Variants in TRPM7 observed in about 807,000 individuals in gnomAD.
TRPM7 encodes the protein LTRPC ion channel family member 7.
TRPM7 carries 134 observed loss-of-function variants against 229.7 expected under a neutral mutation model. The observed-to-expected ratio is 0.58, with a 90% confidence interval of 0.51 to 0.67. TRPM7 has a LOEUF of 0.67. TRPM7 is among the 30% of genes least tolerant of loss of function. The pLI is 0.00. For synonymous variants in TRPM7, 699 were observed against 715.2 expected, an observed-to-expected ratio of 0.98 and a Z score of 0.36; for missense variants, 1,901 against 2,210.0, an observed-to-expected ratio of 0.86 and a Z score of 2.80.
intron 27 of TRPM7, 83 bp from the exon 28 acceptor site, chr15:50,586,571 T>C: frequency 2.4e-6 from 2 of 842,004 alleles, no homozygotes. Flanking sequence ...TAGAGTCCCT[T>C]GATCTATTTA....
chr15:50,606,162 T>C (rs1040183045), intron 20 of TRPM7, among the ~76,000 whole-genome samples: 4 of 152,104 alleles, frequency 2.6e-5, no homozygotes, highest in Non-Finnish European at 5.9e-5. Context: ...GGGCGGATCA[T>C]GAGGTCAGGA....
At chr15:50,661,264 C>T (rs1431005582) in intron 2 of TRPM7, among the ~76,000 whole-genome samples, 5 of 152,088 alleles carry the variant, frequency 3.3e-5, no homozygotes, top group Admixed American at 6.6e-5. Flanking sequence ...TGTCAGCCAC[C>T]GCACCAGGCC....
chr15:50,657,659 TA>T lies in TRPM7; in HGVS notation c.122+121del, dbSNP rs535872177. 2.2e-4 allele frequency: 189 copies of T among 845,884 alleles called. 1 individual carries two copies. The African/African-American group carries it at 3.0e-3, about 13-fold the overall frequency. 52.4% of individuals were successfully genotyped at this position (845,884 alleles called of 1,614,324 possible). A position where few individuals can be genotyped will look rare whatever the true frequency, so the allele number is the denominator to read the frequency against. On this transcript the variant is annotated intron_variant, in intron 3 of 38. Coordinates refer to ENST00000646667, the MANE Select transcript of TRPM7 (RefSeq NM_017672.6). The stretch of plus-strand genomic sequence containing the variant: ...TGACCCTTCACCTTCCAAGTCTAGG[TA>T]AAGTACCCATCAAATATAATAGCAT...
At chr15:50,635,193 T>A (rs1303439585) in intron 7 of TRPM7, among the ~76,000 whole-genome samples, 1 of 151,590 alleles carries the variant, frequency 6.6e-6, no homozygotes, top group Non-Finnish European at 1.5e-5. Context: ...GGCAAGCACC[T>A]GTAGTCCCAG....
At chr15:50,659,053 C>G (rs1314468755) in intron 2 of TRPM7, among the ~76,000 whole-genome samples, 1 of 152,064 alleles carries the variant, frequency 6.6e-6, no homozygotes, top group Non-Finnish European at 1.5e-5. Context: ...AAAAAATTAG[C>G]CAGATGTGGT....
chr15:50,623,151 C>T lies in TRPM7; in HGVS notation c.1440+1015G>A, dbSNP rs539045090. ...ATTTTTGGCCGGGTGCAGTGGCTCA[C>T]GCCTGTAATCCCAGTGCTTTGGGAG... On this transcript the variant is annotated intron_variant, in intron 12 of 38. Coordinates refer to ENST00000646667, the MANE Select transcript of TRPM7 (RefSeq NM_017672.6). Among the ~76,000 whole-genome samples, 150 of 152,206 alleles carry T rather than the reference C, an allele frequency of 9.9e-4. 1 individual carries two copies. Among genetic ancestry groups the T allele is most frequent in the African/African-American group, 3.5e-3 (145 of 41,542 alleles).
At chr15:50,637,232 T>G (rs1228090185) in intron 7 of TRPM7, among the ~76,000 whole-genome samples, 190 bp downstream of exon 7, 5 of 152,166 alleles carry the variant, frequency 3.3e-5, no homozygotes, top group Non-Finnish European at 7.4e-5. Context: ...CCTTGATAAC[T>G]GAGTACCCAA....
chr15:50,586,559 A>G (rs2059348902), intron 27 of TRPM7, 71 bp from the exon 28 acceptor site: 18 of 937,876 alleles, frequency 1.9e-5, no homozygotes, highest in Non-Finnish European at 1.0e-5. Flanking sequence ...TCTAAGTAGT[A>G]TTAGAGTCCC....
intron 2 of TRPM7, among the ~76,000 whole-genome samples, chr15:50,662,599 C>T (rs778907248): frequency 7.2e-5 from 11 of 152,042 alleles, no homozygotes; most frequent in Non-Finnish European, 1.5e-4. Flanking sequence ...GTGTTGGATA[C>T]CCAGTAGATG....
chr15:50,637,500 T>C lies in TRPM7; in HGVS notation c.754A>G (p.Thr252Ala), dbSNP rs1312147318. The C allele has an allele frequency of 1.2e-6, 2 of 1,614,152 alleles. No homozygotes were observed. Among genetic ancestry groups the C allele is most frequent in the Admixed American group, 1.7e-5 (1 of 60,016 alleles). ...HSHFILVDDG[T>A]VGKYGAEVRL... ...ACTTCCGCCCCATACTTTCCAACAG[T>C]GCCATCATCCACCAATATGAAATGG... Residue 252 changes from threonine to alanine, a missense_variant, in exon 7 of 39, where the codon ACT becomes GCT. Transcript: ENST00000646667.
chr15:50,578,428 G>T (rs983175783), intron 31 of TRPM7: 3 of 390,242 alleles, frequency 7.7e-6, no homozygotes, highest in African/African-American at 6.2e-5. Context: ...GAGGAAGTGT[G>T]ACAGTAAAGA....
In TRPM7 at chr15:50,586,541, C is replaced by T. The variant is rs1371676758; in HGVS notation, c.4390-53G>A. The T allele has an allele frequency of 7.4e-6, 9 of 1,208,548 alleles. No homozygotes were observed. The East Asian group carries it at 2.2e-4, about 30-fold the overall frequency. The allele number at this position is 1,208,548 out of a possible 1,614,324, so 74.9% of individuals were successfully genotyped here. A position where few individuals can be genotyped will look rare whatever the true frequency, so the allele number is the denominator to read the frequency against. Reference sequence around the variant, plus strand: ...TGAAAATAATTGAACTAAATTTCAACCCATTACTCTAAGTAGTATTAGAGT... The same window carrying T: ...TGAAAATAATTGAACTAAATTTCAATCCATTACTCTAAGTAGTATTAGAGT... On this transcript the variant is annotated intron_variant, in intron 27 of 38. Transcript: ENST00000646667.
At chr15:50,660,506 T>C (rs923327705) in intron 2 of TRPM7, among the ~76,000 whole-genome samples, 1 of 152,008 alleles carries the variant, frequency 6.6e-6, no homozygotes, top group African/African-American at 2.4e-5. Flanking sequence ...ATAAAAAAAA[T>C]TAAGTGGGCG....
At chr15:50,605,384 G>A (rs2059893889) in intron 20 of TRPM7, among the ~76,000 whole-genome samples, 1 of 152,146 alleles carries the variant, frequency 6.6e-6, no homozygotes, top group East Asian at 1.9e-4. Context: ...TGAAAATTCA[G>A]ATTACAACCC....
In TRPM7 at chr15:50,611,189, T is replaced by G. The variant is rs1333689335; in HGVS notation, c.2184A>C (p.Ser728=). The G allele has an allele frequency of 6.2e-7, 1 of 1,613,858 alleles. No homozygotes were observed. The highest frequency in any genetic ancestry group is 8.5e-7 in the Non-Finnish European group (1 of 1,179,938). Residue 728 remains serine (S), a synonymous_variant, in exon 17 of 39, where the codon TCA becomes TCC. Transcript: ENST00000646667. Reference sequence around the variant, plus strand: ...TGTGAGCTACAAAAGGTCTAAGTCTTGAAGAAACTGCTAACTTAAGGCAGG... The same window carrying G: ...TGTGAGCTACAAAAGGTCTAAGTCTGGAAGAAACTGCTAACTTAAGGCAGG... The part of the protein sequence containing the change: ...NSTCLKLAVS[S]RLRPFVAHTC...
chr15:50,666,632 G>C (rs964709514), intron 1 of TRPM7, among the ~76,000 whole-genome samples: 1 of 152,098 alleles, frequency 6.6e-6, no homozygotes, highest in Non-Finnish European at 1.5e-5. Context: ...GGAGAAACCT[G>C]TCTCTACTAA....
intron 19 of TRPM7, among the ~76,000 whole-genome samples, chr15:50,609,087 G>A (rs1414342543): frequency 6.6e-6 from 1 of 152,042 alleles, no homozygotes; most frequent in African/African-American, 2.4e-5. Flanking sequence ...CCAATTATAT[G>A]GAAGGTAATC....
chr15:50,676,253 A>T (rs912243902), intron 1 of TRPM7, among the ~76,000 whole-genome samples: 7 of 152,210 alleles, frequency 4.6e-5, no homozygotes, highest in Middle Eastern at 3.2e-3. Context: ...GGGGGAAAAA[A>T]TTAAAGATTC....
chr15:50,685,643 T>A lies in TRPM7; in HGVS notation c.3+888A>T, dbSNP rs546551060. The stretch of plus-strand genomic sequence containing the variant: ...GGGAGAGTTGTTTGCATAAAGCCTA[T>A]CAAATTCAAGTACTGACCAAAAATA... On this transcript the variant is annotated intron_variant, in intron 1 of 38. Coordinates refer to ENST00000646667, the MANE Select transcript of TRPM7 (RefSeq NM_017672.6). Among the ~76,000 whole-genome samples, 158 of 152,302 alleles carry A rather than the reference T, an allele frequency of 1.0e-3. 2 individuals carry two copies. Among genetic ancestry groups the A allele is most frequent in the African/African-American group, 3.7e-3 (152 of 41,566 alleles).
Sources: allele counts gnomAD v4.1 joint callset (sites outside exome capture counted in the v4.1 genomes callset), GRCh38; gene constraint gnomAD v4.1.1; transcripts MANE v1.5; gene names NCBI Gene and HGNC (gene_info 2026-07-23, HGNC 2026-07-21).